ADCYAP1R1: variants seen among roughly 807,000 people sequenced by gnomAD.
ADCYAP1R1 encodes pituitary adenylate cyclase-activating polypeptide type I receptor.
A neutral mutation model predicts 67.6 loss-of-function variants in ADCYAP1R1; 44 were observed. The ratio of observed to expected loss-of-function variants is 0.65; its 90% confidence interval spans 0.51 to 0.84. The LOEUF (loss-of-function observed/expected upper bound fraction) is 0.84. Among genes scored for constraint, ADCYAP1R1 ranks in the 40% least tolerant of loss-of-function variants. ADCYAP1R1 has a pLI of 0.00. For missense variants in ADCYAP1R1, 477 were observed against 587.9 expected (o/e 0.81, Z 1.95); for synonymous variants, 222 against 219.6 (o/e 1.01, Z -0.10).
At chr7:31,067,687 C>G (rs539165362) in intron 3 of ADCYAP1R1, among the ~76,000 whole-genome samples, 366 of 152,308 alleles carry the variant, frequency 2.4e-3, no homozygotes, top group African/African-American at 7.8e-3. Context: ...TCCCAGCACC[C>G]CCCCGGGCGC....
chr7:31,100,767 G>C (rs1414170400), intron 13 of ADCYAP1R1, among the ~76,000 whole-genome samples: 2 of 152,214 alleles, frequency 1.3e-5, no homozygotes, highest in Admixed American at 1.3e-4. Flanking sequence ...CTAATTGACA[G>C]AGGGAGGATT....
At chr7:31,092,298 A>T (rs1385731706) in intron 12 of ADCYAP1R1, among the ~76,000 whole-genome samples, 4 of 150,610 alleles carry the variant, frequency 2.7e-5, no homozygotes, top group Non-Finnish European at 5.9e-5. Context: ...CTACAGAACA[A>T]CTCTCACTTC....
intron 1 of ADCYAP1R1, among the ~76,000 whole-genome samples, chr7:31,056,729 A>G (rs1431546710): frequency 6.6e-6 from 1 of 152,068 alleles, no homozygotes; most frequent in African/African-American, 2.4e-5. Context: ...TTGAAGGGAT[A>G]TTTTCTAAAT....
intron 12 of ADCYAP1R1, among the ~76,000 whole-genome samples, chr7:31,092,345 T>C (rs1795993651): frequency 6.6e-6 from 1 of 151,952 alleles, no homozygotes. Context: ...GGGCTGTAGT[T>C]TTCCCATCAC....
At chr7:31,055,497 T>C (rs541124398) in intron 1 of ADCYAP1R1, among the ~76,000 whole-genome samples, 2 of 152,228 alleles carry the variant, frequency 1.3e-5, no homozygotes, top group Non-Finnish European at 2.9e-5. Context: ...TTAGATGATA[T>C]GTAAACAAGT....
intron 1 of ADCYAP1R1, among the ~76,000 whole-genome samples, chr7:31,060,622 T>C (rs1344785454): frequency 6.6e-6 from 1 of 152,102 alleles, no homozygotes; most frequent in Non-Finnish European, 1.5e-5. Context: ...AATGTCTCTC[T>C]TTGTCTCTGT....
At chr7:31,071,015 T>G (rs768838438) in intron 3 of ADCYAP1R1, among the ~76,000 whole-genome samples, 3 of 152,172 alleles carry the variant, frequency 2.0e-5, no homozygotes, top group Non-Finnish European at 2.9e-5. Flanking sequence ...TTCGGTAAAT[T>G]GAATTGTTTT....
At chr7:31,097,565 A>AC (rs1003355764) in intron 13 of ADCYAP1R1, among the ~76,000 whole-genome samples, 1 of 151,896 alleles carries the variant, frequency 6.6e-6, no homozygotes, top group African/African-American at 2.4e-5. Context: ...GCCCTCCCTG[A>AC]CCCCCATCAG....
intron 1 of ADCYAP1R1, among the ~76,000 whole-genome samples, chr7:31,062,693 A>G (rs1327155212): frequency 6.6e-6 from 1 of 152,222 alleles, no homozygotes; most frequent in East Asian, 1.9e-4. Context: ...GTTAAAGAGC[A>G]AGAGCAGAGA....
chr7:31,052,783 G>T (rs1007257669), intron 1 of ADCYAP1R1, 105 bp downstream of exon 1: 8 of 152,216 alleles, frequency 5.3e-5, no homozygotes, highest in African/African-American at 1.9e-4. Context: ...CTGGCTTGGC[G>T]GTCTCCGCCA....
At chr7:31,052,967 T>TG (rs907545095) in intron 1 of ADCYAP1R1, among the ~76,000 whole-genome samples, 45 of 151,744 alleles carry the variant, frequency 3.0e-4, no homozygotes, top group African/African-American at 1.0e-3. Context: ...ACTGCCGGGG[T>TG]GGGGGTCGAC....
At chr7:31,076,501 C>A (rs919137538) in intron 3 of ADCYAP1R1, among the ~76,000 whole-genome samples, 1 of 152,184 alleles carries the variant, frequency 6.6e-6, no homozygotes, top group Non-Finnish European at 1.5e-5. Flanking sequence ...CTCTTCCTTG[C>A]AGCTCATGTC....
Position 31,087,523 on chromosome 7 carries a change from G to A in ADCYAP1R1, c.885-104G>A, listed in dbSNP as rs911113291. The stretch of plus-strand genomic sequence containing the variant: ...AGCCAGCCCCTCCTCAGAGAGCTGC[G>A]GTGGTGAAAGTGTCGGGCACCCAGC... On this transcript the variant is annotated intron_variant, in intron 11 of 15. Transcript: ENST00000304166. 44 of 947,272 alleles carry A rather than the reference G, an allele frequency of 4.6e-5. No homozygotes were observed. In the Middle Eastern group the frequency reaches 1.1e-3, roughly 24 times the overall value. 58.7% of individuals were successfully genotyped at this position (947,272 alleles called of 1,614,324 possible). A position where few individuals can be genotyped will look rare whatever the true frequency, so the allele number is the denominator to read the frequency against.
chr7:31,097,198 C>G (rs1247720881), intron 13 of ADCYAP1R1, among the ~76,000 whole-genome samples: 1 of 152,216 alleles, frequency 6.6e-6, no homozygotes, highest in African/African-American at 2.4e-5. Flanking sequence ...GATAGGGTCT[C>G]CCACTTTCTG....
intron 1 of ADCYAP1R1, among the ~76,000 whole-genome samples, chr7:31,058,535 G>C (rs1241572794): frequency 2.0e-5 from 3 of 152,150 alleles, no homozygotes; most frequent in African/African-American, 7.2e-5. Flanking sequence ...CAAGCCTCCA[G>C]GCTCTATATT....
intron 3 of ADCYAP1R1, among the ~76,000 whole-genome samples, chr7:31,071,339 G>T (rs1794969905): frequency 6.6e-6 from 1 of 152,148 alleles, no homozygotes; most frequent in Non-Finnish European, 1.5e-5. Flanking sequence ...GGTGGAAGCA[G>T]CTAGGGAGAG....
chr7:31,054,642 G>A (rs1029167045), intron 1 of ADCYAP1R1, among the ~76,000 whole-genome samples: 11 of 152,320 alleles, frequency 7.2e-5, no homozygotes, highest in Non-Finnish European at 1.6e-4. Context: ...CCAGGTTGCC[G>A]CCCTCCCAGG....
At chr7:31,087,770 G>A in intron 12 of ADCYAP1R1, 74 bp downstream of exon 12, 1 of 1,254,648 alleles carries the variant, frequency 8.0e-7, no homozygotes, top group Non-Finnish European at 1.2e-6. Context: ...GAAGAGAAAT[G>A]AAAGAGTCCC....
rs2128634160 is a variant in ADCYAP1R1, at chr7:31,092,679, C to T, written c.990C>T (p.Ile330=). 6.2e-7 allele frequency: 1 copy of T among 1,611,954 alleles called. No individual in the cohort carries two copies. ...TGCTTTTTATTGGCATTATCGTCAT[C>T]CTTGTGCAGAAACTTCAGTCTCCAG... ...NFVLFIGIIV[I]LVQKLQSPDM... is the part of the protein sequence containing the mutation. Residue 330 remains isoleucine, a synonymous_variant, in exon 13 of 16, where the codon ATC becomes ATT. Transcript: ENST00000304166.
Sources: allele counts gnomAD v4.1 joint callset (sites outside exome capture counted in the v4.1 genomes callset), GRCh38; gene constraint gnomAD v4.1.1; transcripts MANE v1.5; gene names NCBI Gene and HGNC (gene_info 2026-07-23, HGNC 2026-07-21).